The following SLC1A1 variants were observed in gnomAD, a reference collection of about 807,000 sequenced individuals.
SLC1A1 encodes solute carrier family 1 member 1.
In SLC1A1, 43 loss-of-function variants were observed where a neutral mutation model predicts 53.3. That is an observed-to-expected ratio of 0.81 (90% CI 0.63 to 1.04). The LOEUF is 1.04. SLC1A1 is among the 50% of genes least tolerant of loss of function. The probability of loss-of-function intolerance (pLI) is 0.00; values close to 1 mark genes in which losing one functional copy is unlikely to be tolerated. For missense variants in SLC1A1, 748 were observed against 664.9 expected, an observed-to-expected ratio of 1.12 and a Z score of -1.37; for synonymous variants, 307 against 243.2, an observed-to-expected ratio of 1.26 and a Z score of -2.44.
intron 1 of SLC1A1, among the ~76,000 whole-genome samples, chr9:4,497,937 G>A (rs972695396): frequency 6.6e-6 from 1 of 152,158 alleles, no homozygotes; most frequent in African/African-American, 2.4e-5. Context: ...CCACTTATAG[G>A]TAGTGGACTA....
chr9:4,531,954 G>C (rs879496316), intron 1 of SLC1A1, among the ~76,000 whole-genome samples: 1 of 152,210 alleles, frequency 6.6e-6, no homozygotes, highest in African/African-American at 2.4e-5. Context: ...AGGGTCTGGA[G>C]TGGACCTCAA....
chr9:4,585,569 T>C lies in SLC1A1; in HGVS notation c.*11T>C. 3.1e-6 allele frequency: 5 copies of C among 1,614,216 alleles called. No individual in the cohort carries two copies. Among genetic ancestry groups the C allele is most frequent in the Non-Finnish European group, 4.2e-6 (5 of 1,180,022 alleles). On this transcript the variant is annotated 3_prime_UTR_variant, in exon 12 of 12. Transcript: ENST00000262352. ...ACCTCACAGTTCTAGGGCCCCTGGC[T>C]GCAGATGACTGGAAACAAGGAAGGA...
Position 4,573,917 on chromosome 9 carries a change from C to G in SLC1A1, c.778C>G (p.Leu260Val), listed in dbSNP as rs1443377862. The change falls in exon 8 of 12, where the codon CTA becomes GTA. Residue 260 changes from leucine to valine, a missense_variant. Transcript: ENST00000262352. Reference protein sequence around the residue: ...IVQIIMCYMPLGILFLIAGKI... With the variant: ...IVQIIMCYMPVGILFLIAGKI... ...GTGCTTCCTTTCCAGTTATATGCCA[C>G]TAGGTATTTTGTTCCTGATTGCTGG... 1.9e-6 allele frequency: 3 copies of G among 1,607,824 alleles called. No homozygotes were observed. The highest frequency in any genetic ancestry group is 3.3e-5 in the Admixed American group (2 of 60,020).
intron 1 of SLC1A1, among the ~76,000 whole-genome samples, chr9:4,528,681 T>C (rs528267024): frequency 6.6e-6 from 1 of 152,298 alleles, no homozygotes; most frequent in African/African-American, 2.4e-5. Context: ...ATCTAAGGTA[T>C]AAAGAGATGA....
Position 4,574,000 on chromosome 9 carries a change from C to T in SLC1A1, c.861C>T (p.Ala287=). ...EIFRKLGLYM[A]TVLTGLAIHS... is the part of the protein sequence containing the mutation. Reference sequence around the variant, plus strand: ...TCCGCAAGCTGGGCCTTTACATGGCCACAGTCCTGACTGGGTATGTCAGAC... The same window carrying T: ...TCCGCAAGCTGGGCCTTTACATGGCTACAGTCCTGACTGGGTATGTCAGAC... The change falls in exon 8 of 12, where the codon GCC becomes GCT. Residue 287 remains alanine (A), a synonymous_variant. Coordinates refer to ENST00000262352, the MANE Select transcript of SLC1A1 (RefSeq NM_004170.6). The T allele has an allele frequency of 6.2e-7, 1 of 1,608,642 alleles. No individual in the cohort carries two copies. The highest frequency in any genetic ancestry group is 1.3e-5 in the African/African-American group (1 of 74,964).
rs1398320871 is a variant in SLC1A1 at position 4,583,035 on chromosome 9, C to T, written c.1194-3C>T. On this transcript the variant is annotated splice_polypyrimidine_tract_variant and splice_region_variant and intron_variant, in intron 10 of 11. Coordinates refer to ENST00000262352, the MANE Select transcript of SLC1A1 (RefSeq NM_004170.6). The surrounding 1 kb of genome is among the most constrained non-coding windows in gnomAD (Gnocchi z 4.6). ...CTCCTTTCCTGCTGGTATGTTTCTGCAGTATCACGGCCACATCTGCCAGCA... is the reference window on the plus strand; with the variant it reads ...CTCCTTTCCTGCTGGTATGTTTCTGTAGTATCACGGCCACATCTGCCAGCA... 4 of 1,614,214 alleles carry T rather than the reference C, an allele frequency of 2.5e-6. No homozygotes were observed. In the Admixed American group the frequency reaches 5.0e-5, roughly 20 times the overall value.
chr9:4,492,801 G>GA (rs34631013), intron 1 of SLC1A1, among the ~76,000 whole-genome samples: 25,367 of 141,120 alleles, frequency 0.18, 2,305 homozygotes, highest in East Asian at 0.35. Flanking sequence ...TGTCTAAAAA[G>GA]AAAAAAAAAA....
chr9:4,500,356 T>A (rs561660005), intron 1 of SLC1A1, among the ~76,000 whole-genome samples: 10 of 152,338 alleles, frequency 6.6e-5, no homozygotes, highest in African/African-American at 2.4e-4. Context: ...TCACCCAGGC[T>A]GGAGTGCAGT....
intron 1 of SLC1A1, among the ~76,000 whole-genome samples, chr9:4,518,665 T>G (rs1815951458): frequency 6.6e-6 from 1 of 152,210 alleles, no homozygotes; most frequent in South Asian, 2.1e-4. Flanking sequence ...TGTAGCTTCT[T>G]TCACATGGAG....
Position 4,506,065 on chromosome 9 carries a change from A to G in SLC1A1, c.91+15295A>G, listed in dbSNP as rs947917664. On this transcript the variant is annotated intron_variant, in intron 1 of 11. Transcript: ENST00000262352. Reference sequence around the variant, plus strand: ...GGTCTTGAACTCCTGACCTCAAGTGATCCACTCACCTCTGCCTCCCAAATT... The same window carrying G: ...GGTCTTGAACTCCTGACCTCAAGTGGTCCACTCACCTCTGCCTCCCAAATT... Among the ~76,000 whole-genome samples the G allele has an allele frequency of 7.9e-5, 12 of 152,130 alleles. 1 individual carries two copies. The highest frequency in any genetic ancestry group is 2.9e-4 in the African/African-American group (12 of 41,428).
chr9:4,503,731 T>C (rs1007551021), intron 1 of SLC1A1, among the ~76,000 whole-genome samples: 1 of 151,948 alleles, frequency 6.6e-6, no homozygotes, highest in Non-Finnish European at 1.5e-5. Flanking sequence ...TTCTTACCTG[T>C]TTCCTAAGGA....
At chr9:4,567,315 A>C (rs1163759972) in intron 5 of SLC1A1, among the ~76,000 whole-genome samples, 3 of 152,220 alleles carry the variant, frequency 2.0e-5, no homozygotes, top group Admixed American at 1.3e-4. Context: ...ATAAAAACAA[A>C]AATGATTGAC....
At chr9:4,498,713 C>A (rs1472153233) in intron 1 of SLC1A1, among the ~76,000 whole-genome samples, 1 of 147,740 alleles carries the variant, frequency 6.8e-6, no homozygotes, top group Non-Finnish European at 1.5e-5. Context: ...ACAGACATGA[C>A]AATATTAGCA....
At chr9:4,538,649 A>G (rs900419829) in intron 1 of SLC1A1, among the ~76,000 whole-genome samples, 10 of 152,342 alleles carry the variant, frequency 6.6e-5, no homozygotes, top group Non-Finnish European at 1.3e-4. Flanking sequence ...TATTGCCAGT[A>G]TAGTAAATAC....
chr9:4,493,198 T>A (rs2130787186), intron 1 of SLC1A1, among the ~76,000 whole-genome samples: 1 of 152,352 alleles, frequency 6.6e-6, no homozygotes, highest in Non-Finnish European at 1.5e-5. Context: ...ATTTGTTCCT[T>A]CAGATGGCAA....
At chr9:4,552,234 GAC>G (rs1817993567) in intron 2 of SLC1A1, among the ~76,000 whole-genome samples, 1 of 152,154 alleles carries the variant, frequency 6.6e-6, no homozygotes, top group African/African-American at 2.4e-5. Flanking sequence ...GGCTCTGCTA[GAC>G]ACACAAGGTG....
chr9:4,579,211 T>C (rs1355488687), intron 10 of SLC1A1, among the ~76,000 whole-genome samples: 1 of 152,260 alleles, frequency 6.6e-6, no homozygotes, highest in Non-Finnish European at 1.5e-5. Context: ...AGCAAAGTCC[T>C]GTAATTATAA....
At chr9:4,504,030 G>C (rs1017340302) in intron 1 of SLC1A1, among the ~76,000 whole-genome samples, 15 of 152,222 alleles carry the variant, frequency 9.9e-5, no homozygotes, top group African/African-American at 3.6e-4. Flanking sequence ...GTTGCTAACA[G>C]TTTTGAAGCC....
chr9:4,571,832 T>C (rs1010496616), intron 6 of SLC1A1, among the ~76,000 whole-genome samples: 4 of 152,054 alleles, frequency 2.6e-5, no homozygotes. Flanking sequence ...TCCTGCATTA[T>C]TAATTCCTGT....
Sources: gnomAD v4.1 joint callset for allele counts (sites outside exome capture counted in the v4.1 genomes callset) on GRCh38, gnomAD v4.1.1 for gene constraint, Gnocchi (gnomAD v3.1) non-coding constraint, MANE v1.5 for transcripts, NCBI Gene and HGNC (gene_info 2026-07-23, HGNC 2026-07-21) for gene names.